The following SPTAN1 variants were observed in gnomAD, a reference collection of about 807,000 sequenced individuals.
SPTAN1 encodes the protein spectrin alpha chain, non-erythrocytic 1.
In SPTAN1, 61 loss-of-function variants were observed where a neutral mutation model predicts 331.3. The observed-to-expected ratio is 0.18, with a 90% CI of 0.15 to 0.23. The LOEUF (loss-of-function observed/expected upper bound fraction) is 0.23. Ranked by LOEUF, SPTAN1 falls within the 10% of genes least tolerant of loss-of-function variation. The pLI is 1.00. For missense variants in SPTAN1, 2,043 were observed against 3,147.9 expected (o/e 0.65, Z 8.40); for synonymous variants, 1,153 against 1,173.9 (o/e 0.98, Z 0.36).
At position 128,624,623 on chromosome 9, in the gene SPTAN1, C is replaced by T; in HGVS notation, c.5992+136C>T. 2.7e-6 allele frequency: 3 copies of T among 1,104,454 alleles called. No homozygotes were observed. The South Asian group carries it at 4.2e-5, about 15-fold the overall frequency. The allele number at this position is 1,104,454 out of a possible 1,614,324, so 68.4% of individuals were successfully genotyped here. On this transcript the variant is annotated intron_variant, in intron 46 of 56. Transcript: ENST00000372739. ...CAGAGAACCTACTACCAGGGCAGAC[C>T]ACTGACTGCCAGCTAGGAGGAGACA...
At chr9:128,609,757 G>A (rs1384430377) in intron 37 of SPTAN1, 92 bp downstream of exon 37, 8 of 809,060 alleles carry the variant, frequency 9.9e-6, no homozygotes, top group African/African-American at 3.5e-5. Context: ...GTGGTCACAC[G>A]GTTTGCTGGT....
At position 128,581,974 on chromosome 9, in the gene SPTAN1, T is replaced by C. The variant is rs528840223; in HGVS notation, c.1572+82T>C. On this transcript the variant is annotated intron_variant, in intron 12 of 56. Transcript: ENST00000372739. ...TTTCCCTGGAAGGATTCCAAACAGA[T>C]TTGATGAAAGATTCATATGCAGAGT... The C allele has an allele frequency of 1.8e-5, 19 of 1,070,018 alleles. No homozygotes were observed. In the African/African-American group the frequency reaches 2.0e-4, roughly 11 times the overall value. 66.3% of individuals were successfully genotyped at this position (1,070,018 alleles called of 1,614,324 possible). A position where few individuals can be genotyped will look rare whatever the true frequency, so the allele number is the denominator to read the frequency against.
At chr9:128,614,327 C>T (rs967951053) in intron 40 of SPTAN1, among the ~76,000 whole-genome samples, 1 of 152,074 alleles carries the variant, frequency 6.6e-6, no homozygotes, top group Admixed American at 6.6e-5. Context: ...CATGGTGAGT[C>T]ATGCCTGTAA....
At chr9:128,618,685 G>A (rs868302825) in intron 43 of SPTAN1, among the ~76,000 whole-genome samples, 186 bp from the exon 44 acceptor site, 5 of 151,942 alleles carry the variant, frequency 3.3e-5, no homozygotes, top group South Asian at 4.2e-4. Flanking sequence ...GGGTTTCACC[G>A]TCTTAGCCAG....
At position 128,632,118 on chromosome 9, in the gene SPTAN1, C is replaced by A. The variant is rs1283413928; in HGVS notation, c.6763-9C>A. 1.9e-6 allele frequency: 3 copies of A among 1,612,762 alleles called. No homozygotes were observed. The highest frequency in any genetic ancestry group is 2.2e-5 in the South Asian group (2 of 90,960). ...CCCGTCTGAGCATCTGTGCTCCCCA[C>A]CCCTGCAGCGCAAGCACCAGGAAAT... is the stretch of plus-strand genomic sequence containing the variant. On this transcript the variant is annotated splice_polypyrimidine_tract_variant and intron_variant, in intron 52 of 56. Transcript: ENST00000372739.
intron 8 of SPTAN1, 101 bp from the exon 9 acceptor site, chr9:128,578,009 T>C (rs75341829): frequency 3.8e-6 from 5 of 1,320,430 alleles, no homozygotes; most frequent in Non-Finnish European, 5.5e-6. Flanking sequence ...TTATATAGTT[T>C]GTTAGACATT....
rs1284531872 is a variant in SPTAN1, at chr9:128,611,598, C to T, written c.4774-116C>T. Reference sequence around the variant, plus strand: ...AATTGCCTTCTGTTAAAAACGTTGGCATTTACCCCAGTTCTTTATGTTTGC... The same window carrying T: ...AATTGCCTTCTGTTAAAAACGTTGGTATTTACCCCAGTTCTTTATGTTTGC... On this transcript the variant is annotated intron_variant, in intron 37 of 56. Transcript: ENST00000372739. 4.1e-6 allele frequency: 5 copies of T among 1,214,556 alleles called. No homozygotes were observed. In the African/African-American group the frequency reaches 7.5e-5, roughly 18 times the overall value. The allele number at this position is 1,214,556 out of a possible 1,614,324, so 75.2% of individuals were successfully genotyped here.
intron 48 of SPTAN1, 159 bp from the exon 49 acceptor site, chr9:128,626,232 C>A: frequency 9.5e-7 from 1 of 1,053,196 alleles, no homozygotes; most frequent in Non-Finnish European, 1.4e-6. Context: ...CTGGTGAAGA[C>A]TTGAAGGGGG....
intron 3 of SPTAN1, among the ~76,000 whole-genome samples, chr9:128,571,135 T>A (rs930196412): frequency 1.3e-5 from 2 of 151,610 alleles, no homozygotes; most frequent in African/African-American, 2.4e-5. Flanking sequence ...AAAAAAAATT[T>A]AAAAATTAGT....
rs376453109 is a variant in SPTAN1, at chr9:128,608,079, G to A, written c.4344+30G>A. ...GTGTGCTCCTGGTTTCTGACCAAGT[G>A]TTTCCTTGCTGAAGGGCCTCATTTT... On this transcript the variant is annotated intron_variant, in intron 33 of 56. Coordinates refer to ENST00000372739, the MANE Select transcript of SPTAN1 (RefSeq NM_001130438.3). The A allele has an allele frequency of 1.9e-5, 31 of 1,614,048 alleles. No homozygotes were observed. The Admixed American group carries it at 2.7e-4, about 14-fold the overall frequency.
In SPTAN1 at chr9:128,626,693, C is replaced by T. The variant is rs1589389667; in HGVS notation, c.6576+6C>T. On this transcript the variant is annotated splice_donor_region_variant and intron_variant, in intron 49 of 56. Coordinates refer to ENST00000372739, the MANE Select transcript of SPTAN1 (RefSeq NM_001130438.3). ...ACCTACAGAAAATCATCAAGGTACA[C>T]CTCCCGCTGCCCTCAGGAGCTGCTC... 1.2e-6 allele frequency: 2 copies of T among 1,600,828 alleles called. No individual in the cohort carries two copies. The highest frequency in any genetic ancestry group is 2.2e-5 in the East Asian group (1 of 44,546).
At position 128,583,225 on chromosome 9, in the gene SPTAN1, G is replaced by A. The variant is rs370062384; in HGVS notation, c.1955G>A (p.Arg652His). ...TATGCCAAGGATGAAGTGGCAGCTCGTATGAATGAGGTGATCAGTTTGTGG... is the reference window on the plus strand; with the variant it reads ...TATGCCAAGGATGAAGTGGCAGCTCATATGAATGAGGTGATCAGTTTGTGG... ...NHYAKDEVAA[R>H]MNEVISLWKK... is the part of the protein sequence containing the mutation. The change falls in exon 15 of 57, where the codon CGT (arginine) becomes CAT (histidine). Residue 652 changes from arginine to histidine, a missense_variant. Around this residue, in one of 12 missense-constraint regions of SPTAN1, gnomAD observed 1,038 missense variants for 1,531.5 expected, o/e 0.68. Transcript: ENST00000372739. 2.4e-5 allele frequency: 38 copies of A among 1,613,906 alleles called. No homozygotes were observed. The highest frequency in any genetic ancestry group is 5.5e-5 in the South Asian group (5 of 91,084).
At position 128,591,499 on chromosome 9, in the gene SPTAN1, A is replaced by G; in HGVS notation, c.3029A>G (p.Asn1010Ser). ...TNKDWWKVEVNDRQGFVPAAY... is the reference protein window; with the variant it reads ...TNKDWWKVEVSDRQGFVPAAY... Reference sequence around the variant, plus strand: ...TAGGATTGGTGGAAAGTGGAAGTGAACGATCGTCAGGGTTTTGTGCCGGCT... The same window carrying G: ...TAGGATTGGTGGAAAGTGGAAGTGAGCGATCGTCAGGGTTTTGTGCCGGCT... The change falls in exon 22 of 57, where the codon AAC (asparagine) becomes AGC (serine). Residue 1010 changes from asparagine (N) to serine (S), a missense_variant. Around this residue, in one of 12 missense-constraint regions of SPTAN1, gnomAD observed 1,038 missense variants for 1,531.5 expected, o/e 0.68. Transcript: ENST00000372739. 1 of 1,614,088 alleles carries G rather than the reference A, an allele frequency of 6.2e-7. No individual in the cohort carries two copies. The highest frequency in any genetic ancestry group is 2.2e-5 in the East Asian group (1 of 44,868).
At position 128,624,807 on chromosome 9, in the gene SPTAN1, G is replaced by T. The variant is rs1858484468; in HGVS notation, c.5993-296G>T. The stretch of plus-strand genomic sequence containing the variant: ...GCACCACTAGCTGCCCTGGTCAGGG[G>T]CGCCACCCAGCTCCTGGGTGAGGGA... On this transcript the variant is annotated intron_variant, in intron 46 of 56. Transcript: ENST00000372739. 5 of 566,956 alleles carry T rather than the reference G, an allele frequency of 8.8e-6. No individual in the cohort carries two copies. In the Admixed American group the frequency reaches 1.2e-4, roughly 14 times the overall value. The allele number at this position is 566,956 out of a possible 1,614,324, so 35.1% of individuals were successfully genotyped here.
At chr9:128,562,574 G>A (rs2132836100) in intron 1 of SPTAN1, among the ~76,000 whole-genome samples, 1 of 152,274 alleles carries the variant, frequency 6.6e-6, no homozygotes, top group Middle Eastern at 3.4e-3. Flanking sequence ...GTGACTGAGT[G>A]AAGTCTTGTT....
intron 26 of SPTAN1, 167 bp downstream of exon 26, chr9:128,599,153 G>A (rs989526428): frequency 8.2e-6 from 6 of 735,294 alleles, no homozygotes; most frequent in Admixed American, 8.1e-5. Context: ...CTTTTTTTTT[G>A]AGACGGAGTC....
intron 15 of SPTAN1, 96 bp downstream of exon 15, chr9:128,583,377 G>C (rs1852186086): frequency 7.9e-7 from 1 of 1,268,144 alleles, no homozygotes; most frequent in East Asian, 2.5e-5. Flanking sequence ...CCCAAGAAAG[G>C]TGAGGTGGAT....
chr9:128,625,220 A>G lies in SPTAN1; in HGVS notation c.6069+41A>G. The G allele has an allele frequency of 6.3e-7, 1 of 1,587,724 alleles. No homozygotes were observed. The highest frequency in any genetic ancestry group is 2.2e-5 in the East Asian group (1 of 44,754). On this transcript the variant is annotated intron_variant, in intron 47 of 56. Coordinates refer to ENST00000372739, the MANE Select transcript of SPTAN1 (RefSeq NM_001130438.3). The surrounding 1 kb of genome is among the most constrained non-coding windows in gnomAD (Gnocchi z 4.1). ...TTCACTGGTTGAAATGTATGCAGATAGCATCTGTGAGATGACTGGTGGCGT... is the reference window on the plus strand; with the variant it reads ...TTCACTGGTTGAAATGTATGCAGATGGCATCTGTGAGATGACTGGTGGCGT...
At position 128,602,213 on chromosome 9, in the gene SPTAN1, T is replaced by G. The variant is rs565450433; in HGVS notation, c.3580-1330T>G. Among the ~76,000 whole-genome samples, 135 of 147,024 alleles carry G rather than the reference T, an allele frequency of 9.2e-4. No homozygotes were observed. The South Asian group carries it at 0.012, about 13-fold the overall frequency. On this transcript the variant is annotated intron_variant, in intron 27 of 56. Coordinates refer to ENST00000372739, the MANE Select transcript of SPTAN1 (RefSeq NM_001130438.3). ...TGTTTTTTTTTTTGTTTTTTTTGGG[T>G]TTTTTTTGTTTTTTTTTTTTTGAGA...
Sources: gnomAD v4.1 joint callset for allele counts (sites outside exome capture counted in the v4.1 genomes callset) on GRCh38, gnomAD v4.1.1 for gene constraint, gnomAD v4.1.1 regional missense constraint, Gnocchi (gnomAD v3.1) non-coding constraint, MANE v1.5 for transcripts, NCBI Gene and HGNC (gene_info 2026-07-23, HGNC 2026-07-21) for gene names.